Variants in COL5A1 observed in about 807,000 individuals in gnomAD.
The protein encoded by COL5A1 is collagen alpha-1(V) chain.
COL5A1 carries 16 observed loss-of-function variants against 263.7 expected under a neutral mutation model. The observed-to-expected ratio is 0.06, with a 90% CI of 0.04 to 0.09. The LOEUF (loss-of-function observed/expected upper bound fraction) is 0.09. Ranked by LOEUF, COL5A1 falls within the 10% of genes least tolerant of loss-of-function variation. The pLI, the probability that COL5A1 is intolerant of heterozygous loss-of-function variation, is 1.00. For missense variants in COL5A1, 2,036 were observed against 2,540.5 expected (o/e 0.80, Z 4.27); for synonymous variants, 1,012 against 1,004.5 (o/e 1.01, Z -0.14).
At chr9:134,737,952 C>T (rs945933306) in intron 9 of COL5A1, among the ~76,000 whole-genome samples, 2 of 152,178 alleles carry the variant, frequency 1.3e-5, no homozygotes, top group African/African-American at 4.8e-5. Context: ...CACCTCTTAC[C>T]TGGAGGGAGG....
Position 134,767,366 on chromosome 9 carries a change from T to C in COL5A1, c.2232+12T>C. On this transcript the variant is annotated intron_variant, in intron 24 of 65. Coordinates refer to ENST00000371817, the MANE Select transcript of COL5A1 (RefSeq NM_000093.5). ...CTCCAGGAGAAAAGGTAGGTGGGCC[T>C]GGGCTGTGTTGCAGGCCACTGCCCG... 1 of 1,613,672 alleles carries C rather than the reference T, an allele frequency of 6.2e-7. No homozygotes were observed. The highest frequency in any genetic ancestry group is 8.5e-7 in the Non-Finnish European group (1 of 1,179,814).
Position 134,652,330 on chromosome 9 carries a change from CCAGTGTAA to C in COL5A1, c.109+10037_109+10044del, listed in dbSNP as rs1831717194. 6.6e-6 allele frequency among the ~76,000 whole-genome samples: 1 copy of C among 151,300 alleles called. No individual in the cohort carries two copies. On this transcript the variant is annotated intron_variant, in intron 1 of 65. Coordinates refer to ENST00000371817, the MANE Select transcript of COL5A1 (RefSeq NM_000093.5). The surrounding 1 kb of genome is among the most constrained non-coding windows in gnomAD (Gnocchi z 4.4). ...AGTGAGCTGGTGACAGCAGGCAGACCCAGTGTAACACGGCTCTGCTGGGTGGGGCAAGG... is the reference window on the plus strand; with the variant it reads ...AGTGAGCTGGTGACAGCAGGCAGACCCACGGCTCTGCTGGGTGGGGCAAGG...
intron 28 of COL5A1, 49 bp from the exon 29 acceptor site, chr9:134,782,618 A>G (rs770993835): frequency 6.4e-7 from 1 of 1,561,194 alleles, no homozygotes; most frequent in South Asian, 1.1e-5. Context: ...ACCGCCAGGG[A>G]GGCGGGTCCT....
chr9:134,822,723 C>CCCG (rs1554807635), intron 59 of COL5A1, among the ~76,000 whole-genome samples: 1 of 150,476 alleles, frequency 6.6e-6, no homozygotes, highest in African/African-American at 2.5e-5. Flanking sequence ...CCGCTGCGCC[C>CCCG]CCCCCGCGGC....
At chr9:134,736,022 C>A (rs1255516366) in intron 9 of COL5A1, among the ~76,000 whole-genome samples, 3 of 151,386 alleles carry the variant, frequency 2.0e-5, no homozygotes, top group African/African-American at 7.3e-5. Flanking sequence ...AGTCCCCTTG[C>A]CAGCCTGGCA....
intron 1 of COL5A1, among the ~76,000 whole-genome samples, chr9:134,684,817 A>T (rs1832958105): frequency 6.6e-6 from 1 of 152,104 alleles, no homozygotes; most frequent in South Asian, 2.1e-4. Flanking sequence ...CAATTGTAAA[A>T]TTGCCCTATA....
In COL5A1 at chr9:134,647,479, T is replaced by C. The variant is rs562156189; in HGVS notation, c.109+5183T>C. 7.0e-4 allele frequency among the ~76,000 whole-genome samples: 107 copies of C among 152,184 alleles called. No individual in the cohort carries two copies. The highest frequency in any genetic ancestry group is 2.4e-3 in the African/African-American group (100 of 41,518). On this transcript the variant is annotated intron_variant, in intron 1 of 65. Coordinates refer to ENST00000371817, the MANE Select transcript of COL5A1 (RefSeq NM_000093.5). The surrounding 1 kb of genome is among the most constrained non-coding windows in gnomAD (Gnocchi z 5.0). The stretch of plus-strand genomic sequence containing the variant: ...TGTGTTTGTGGGTATACATGTGTGT[T>C]TGAGTGTGCACGCATGCGCATCCTT...
rs1564445192 is a variant in COL5A1 at position 134,765,687 on chromosome 9, C to G, written c.2041C>G (p.Arg681Gly). The G allele has an allele frequency of 1.9e-6, 3 of 1,613,594 alleles. No homozygotes were observed. Among genetic ancestry groups the G allele is most frequent in the Non-Finnish European group, 2.5e-6 (3 of 1,179,584 alleles). ...TTTCCCTTTCCTCTTACAGGGGCCACGTGGTCTGCTTGGGCCGAAGGGGCC... is the reference window on the plus strand; with the variant it reads ...TTTCCCTTTCCTCTTACAGGGGCCAGGTGGTCTGCTTGGGCCGAAGGGGCC... ...PRGLPGEPGPRGLLGPKGPPG... is the reference protein window; with the variant it reads ...PRGLPGEPGPGGLLGPKGPPG... The change falls in exon 21 of 66, where the codon CGT becomes GGT. Residue 681 changes from arginine to glycine, a missense_variant. Arg to Gly is a moderately radical substitution (Grantham distance 125). This residue lies in a region of COL5A1 where 1,078 missense variants were observed against 1,521.4 expected (regional missense o/e 0.71). Coordinates refer to ENST00000371817, the MANE Select transcript of COL5A1 (RefSeq NM_000093.5). This position sits in a 1 kb window ranked among gnomAD's most constrained non-coding sequence, Gnocchi z 5.1.
At chr9:134,690,600 G>C (rs1053618689) in intron 1 of COL5A1, among the ~76,000 whole-genome samples, 2 of 152,172 alleles carry the variant, frequency 1.3e-5, no homozygotes, top group Admixed American at 6.5e-5. Flanking sequence ...GGAGGGCGTC[G>C]TCAGAGCTGG....
At chr9:134,796,597 T>C (rs1394850351) in intron 35 of COL5A1, among the ~76,000 whole-genome samples, 179 bp downstream of exon 35, 1 of 152,088 alleles carries the variant, frequency 6.6e-6, no homozygotes, top group Non-Finnish European at 1.5e-5. Context: ...CTTCCGTAGG[T>C]CAGGGGCCTC....
chr9:134,664,453 A>T (rs556128701), intron 1 of COL5A1, among the ~76,000 whole-genome samples: 1 of 152,370 alleles, frequency 6.6e-6, no homozygotes, highest in Non-Finnish European at 1.5e-5. Context: ...TATCTGACGG[A>T]AAGGGGGTCG....
intron 4 of COL5A1, among the ~76,000 whole-genome samples, chr9:134,702,146 C>T (rs867142116): frequency 4.6e-5 from 7 of 152,170 alleles, no homozygotes; most frequent in South Asian, 4.1e-4. Flanking sequence ...CTGCAGTGAC[C>T]GTTGCCTCCG....
chr9:134,727,242 T>C, intron 4 of COL5A1, 24 bp from the exon 5 acceptor site: 2 of 1,612,752 alleles, frequency 1.2e-6, no homozygotes, highest in Non-Finnish European at 1.7e-6. Flanking sequence ...AGCTGCTTTT[T>C]CATGAGCGTC....
intron 18 of COL5A1, among the ~76,000 whole-genome samples, chr9:134,759,352 ACATT>A (rs1247340929): frequency 3.7e-5 from 5 of 135,492 alleles, no homozygotes; most frequent in Admixed American, 3.0e-4. Context: ...ACACACACCC[ACATT>A]CATACACAGA....
chr9:134,760,707 C>CA lies in COL5A1; in HGVS notation c.1936-1218_1936-1217insA, dbSNP rs1564440898. Among the ~76,000 whole-genome samples the CA allele has an allele frequency of 3.6e-5, 5 of 140,092 alleles. No individual in the cohort carries two copies. The East Asian group carries it at 1.2e-3, about 33-fold the overall frequency. 91.9% of individuals were successfully genotyped at this position (140,092 alleles called of 152,430 possible). A position where few individuals can be genotyped will look rare whatever the true frequency, so the allele number is the denominator to read the frequency against. On this transcript the variant is annotated intron_variant, in intron 18 of 65. Coordinates refer to ENST00000371817, the MANE Select transcript of COL5A1 (RefSeq NM_000093.5). ...CACACTCATACATGCACACACACAC[C>CA]CACACACCCATACACACATGCACAC...
rs1043702088 is a variant in COL5A1, at chr9:134,765,088, C to T, written c.2035-593C>T. Among the ~76,000 whole-genome samples, 5 of 152,092 alleles carry T rather than the reference C, an allele frequency of 3.3e-5. No individual in the cohort carries two copies. Among genetic ancestry groups the T allele is most frequent in the Admixed American group, 6.5e-5 (1 of 15,274 alleles). ...TAAAGGGGAGGTTCTGCACGAGCCT[C>T]GCCGACCGGAGAGGGCGTGCCAGCT... On this transcript the variant is annotated intron_variant, in intron 20 of 65. Coordinates refer to ENST00000371817, the MANE Select transcript of COL5A1 (RefSeq NM_000093.5). The surrounding 1 kb of genome is among the most constrained non-coding windows in gnomAD (Gnocchi z 5.1).
chr9:134,768,356 G>A, intron 24 of COL5A1, 54 bp from the exon 25 acceptor site: 1 of 1,485,574 alleles, frequency 6.7e-7, no homozygotes, highest in Non-Finnish European at 9.4e-7. Context: ...CCGACGGAGA[G>A]GTCAGGTGAG....
chr9:134,649,512 GA>G (rs1361396993), intron 1 of COL5A1: 2 of 471,158 alleles, frequency 4.2e-6, no homozygotes, highest in Non-Finnish European at 4.4e-6. Context: ...TTCTTGTAGG[GA>G]AATTAGCTCT....
chr9:134,731,324 AG>A (rs1046138779), intron 7 of COL5A1, among the ~76,000 whole-genome samples, 171 bp from the exon 8 acceptor site: 15 of 152,114 alleles, frequency 9.9e-5, no homozygotes, highest in Admixed American at 6.5e-4. Context: ...TCTCTCCCAG[AG>A]GGGGGTCTCT....
Sources: gnomAD v4.1 joint callset for allele counts (sites outside exome capture counted in the v4.1 genomes callset) on GRCh38, gnomAD v4.1.1 for gene constraint, gnomAD v4.1.1 regional missense constraint, Gnocchi (gnomAD v3.1) non-coding constraint, MANE v1.5 for transcripts, NCBI Gene and HGNC (gene_info 2026-07-23, HGNC 2026-07-21) for gene names.